Variants in EYS observed in about 807,000 individuals in gnomAD.
EYS encodes protein eyes shut homolog.
Under a neutral mutation model 282.1 loss-of-function variants are expected in EYS, and 250 were observed. The ratio of observed to expected loss-of-function variants is 0.89; its 90% CI spans 0.80 to 0.98. EYS has a LOEUF of 0.98. Ranked by LOEUF, EYS falls within the 50% of genes least tolerant of loss-of-function variation. EYS has a pLI of 0.00. For missense variants in EYS, 4,016 were observed against 3,709.0 expected (o/e 1.08, Z -2.15); for synonymous variants, 1,355 against 1,282.9 (o/e 1.06, Z -1.20).
chr6:64,085,092 C>G (rs1490110050), intron 31 of EYS, among the ~76,000 whole-genome samples: 1 of 151,948 alleles, frequency 6.6e-6, no homozygotes, highest in African/African-American at 2.4e-5. Context: ...TCACTGTAAC[C>G]CCCGCCTCCC....
At chr6:65,517,614 G>T (rs1360441429) in intron 2 of EYS, among the ~76,000 whole-genome samples, 1 of 151,900 alleles carries the variant, frequency 6.6e-6, no homozygotes, top group Non-Finnish European at 1.5e-5. Flanking sequence ...CAACTTATCT[G>T]TGCTAAATAA....
chr6:64,167,203 A>G (rs1305153263), intron 31 of EYS, among the ~76,000 whole-genome samples: 7 of 152,200 alleles, frequency 4.6e-5, no homozygotes, highest in African/African-American at 1.7e-4. Flanking sequence ...TACCGCAAGG[A>G]ATGATTACCA....
At chr6:63,955,669 T>A (rs1489678424) in intron 35 of EYS, among the ~76,000 whole-genome samples, 6 of 152,166 alleles carry the variant, frequency 3.9e-5, no homozygotes, top group African/African-American at 7.2e-5. Context: ...GATGTTTAAA[T>A]GAAGAGTTTT....
intron 30 of EYS, among the ~76,000 whole-genome samples, chr6:64,267,852 C>T (rs1159278116): frequency 6.6e-6 from 1 of 151,916 alleles, no homozygotes. Context: ...TCATGTTTTA[C>T]GTATCTGGCA....
intron 19 of EYS, among the ~76,000 whole-genome samples, chr6:64,833,348 G>C (rs188947425): frequency 6.6e-6 from 1 of 151,768 alleles, no homozygotes; most frequent in Non-Finnish European, 1.5e-5. Flanking sequence ...GTGAATTATA[G>C]GACAATTTTG....
chr6:64,063,739 AGATT>A (rs140873854), intron 33 of EYS, among the ~76,000 whole-genome samples: 3,221 of 152,052 alleles, frequency 0.021, 102 homozygotes, highest in African/African-American at 0.064. Context: ...TTTTATTGAT[AGATT>A]GATTGATTGA....
At chr6:65,047,108 T>C (rs1294240454) in intron 13 of EYS, among the ~76,000 whole-genome samples, 1 of 151,768 alleles carries the variant, frequency 6.6e-6, no homozygotes, top group Non-Finnish European at 1.5e-5. Context: ...TTTTTTTTTT[T>C]TTATAAACTA....
chr6:64,474,586 CTATTAA>C (rs1011008158), intron 26 of EYS, among the ~76,000 whole-genome samples: 1 of 152,100 alleles, frequency 6.6e-6, no homozygotes, highest in African/African-American at 2.4e-5. Flanking sequence ...TCACTTCCTG[CTATTAA>C]TATTGATGGC....
intron 19 of EYS, among the ~76,000 whole-genome samples, chr6:64,840,330 A>G (rs1765525541): frequency 1.3e-5 from 2 of 152,092 alleles, no homozygotes; most frequent in South Asian, 4.1e-4. Flanking sequence ...ATAAAAAGTG[A>G]AATAATAAAA....
chr6:64,781,011 T>A (rs1773841294), intron 22 of EYS, among the ~76,000 whole-genome samples: 1 of 152,222 alleles, frequency 6.6e-6, no homozygotes. Context: ...TTAATATGTT[T>A]TATATTCATC....
At chr6:65,021,254 C>T (rs544350150) in intron 13 of EYS, among the ~76,000 whole-genome samples, 5 of 152,296 alleles carry the variant, frequency 3.3e-5, no homozygotes, top group South Asian at 4.1e-4. Context: ...CTTTTGGATG[C>T]TTTGCTGCTT....
intron 34 of EYS, among the ~76,000 whole-genome samples, chr6:63,989,106 TA>T (rs1438257824): frequency 1.4e-4 from 21 of 151,754 alleles, no homozygotes; most frequent in Non-Finnish European, 2.4e-4. Flanking sequence ...CTTGTGTTAC[TA>T]AAATATGGAG....
chr6:65,030,432 C>T (rs1772561728), intron 13 of EYS, among the ~76,000 whole-genome samples: 1 of 152,162 alleles, frequency 6.6e-6, no homozygotes, highest in Admixed American at 6.5e-5. Context: ...ACTATGCTGG[C>T]ACACATTCAC....
chr6:65,330,292 T>C, intron 11 of EYS: 1 of 948,526 alleles, frequency 1.1e-6, no homozygotes, highest in African/African-American at 1.8e-5. Context: ...AATGAATATA[T>C]TTCATTCTGT....
At chr6:64,983,873 A>T (rs188072931) in intron 14 of EYS, among the ~76,000 whole-genome samples, 59 of 151,466 alleles carry the variant, frequency 3.9e-4, no homozygotes, top group African/African-American at 1.4e-3. Flanking sequence ...AGTCTTTGGC[A>T]CAAGTTTACA....
intron 26 of EYS, among the ~76,000 whole-genome samples, chr6:64,487,999 AC>A (rs1562021691): frequency 6.6e-6 from 1 of 151,068 alleles, no homozygotes; most frequent in Non-Finnish European, 1.5e-5. Context: ...CTGGATGGCA[AC>A]ATGAGATTTT....
intron 22 of EYS, among the ~76,000 whole-genome samples, chr6:64,796,988 G>A (rs192003656): frequency 6.6e-6 from 1 of 152,246 alleles, no homozygotes; most frequent in Admixed American, 6.5e-5. Flanking sequence ...TTCATTGTGA[G>A]TGCTTCCCAT....
chr6:65,456,326 G>A (rs758395271), intron 5 of EYS, among the ~76,000 whole-genome samples: 9 of 151,492 alleles, frequency 5.9e-5, no homozygotes, highest in African/African-American at 7.3e-5. Context: ...GTGGAGTGCC[G>A]GTAGTCCCAG....
chr6:64,498,987 T>C (rs1776964320), intron 26 of EYS, among the ~76,000 whole-genome samples: 1 of 152,128 alleles, frequency 6.6e-6, no homozygotes, highest in Non-Finnish European at 1.5e-5. Context: ...AGTAATAAGA[T>C]TGTTGGGCGA....
Sources: allele counts gnomAD v4.1 joint callset (sites outside exome capture counted in the v4.1 genomes callset), GRCh38; gene constraint gnomAD v4.1.1; transcripts MANE v1.5; gene names NCBI Gene and HGNC (gene_info 2026-07-23, HGNC 2026-07-21).